The following DOCK3 variants were observed in gnomAD, a reference collection of about 807,000 sequenced individuals.
DOCK3 encodes the protein dedicator of cytokinesis 3.
Under a neutral mutation model 265.6 loss-of-function variants are expected in DOCK3, and 60 were observed. The ratio of observed to expected loss-of-function variants is 0.23; its 90% confidence interval spans 0.18 to 0.28. The LOEUF is 0.28. Ranked by LOEUF, DOCK3 falls within the 10% of genes least tolerant of loss-of-function variation. The pLI is 1.00. For missense variants in DOCK3, 1,981 were observed against 2,594.3 expected, an observed-to-expected ratio of 0.76 and a Z score of 5.14; for synonymous variants, 881 against 938.0, an observed-to-expected ratio of 0.94 and a Z score of 1.11.
chr3:51,199,305 G>A lies in DOCK3; in HGVS notation c.1038-9469G>A, dbSNP rs920327379. Among the ~76,000 whole-genome samples, 4 of 152,184 alleles carry A rather than the reference G, an allele frequency of 2.6e-5. No individual in the cohort carries two copies. The East Asian group carries it at 7.7e-4, about 29-fold the overall frequency. ...CTAGTCAAAGAAAGGGGTGACAGAC[G>A]GCACCTGGAAAATCGGGTCACTCCC... On this transcript the variant is annotated intron_variant, in intron 12 of 52. Transcript: ENST00000266037.
At chr3:51,175,148 G>C (rs72948200) in intron 12 of DOCK3, among the ~76,000 whole-genome samples, 10,636 of 152,276 alleles carry the variant, frequency 0.07, 948 homozygotes, top group East Asian at 0.32. Flanking sequence ...CTGCTTCAGG[G>C]ACCAAGGTCT....
rs574574162 is a variant in DOCK3 at position 50,880,901 on chromosome 3, C to T, written c.163-9125C>T. The stretch of plus-strand genomic sequence containing the variant: ...CAATAAAATACTGGCAAACTGAATC[C>T]AGCAGCGAATCAAAAAGCTTATCCA... On this transcript the variant is annotated intron_variant, in intron 3 of 52. Coordinates refer to ENST00000266037, the MANE Select transcript of DOCK3 (RefSeq NM_004947.5). 6.2e-4 allele frequency among the ~76,000 whole-genome samples: 95 copies of T among 152,278 alleles called. 1 individual carries two copies. In the Middle Eastern group the frequency reaches 0.014, roughly 22 times the overall value.
At chr3:51,054,121 T>TTAA (rs1491422433) in intron 5 of DOCK3, among the ~76,000 whole-genome samples, 2 of 85,012 alleles carry the variant, frequency 2.4e-5, no homozygotes, top group African/African-American at 8.7e-5. Context: ...CGTAGCTTCC[T>TTAA]AAAAAAAAAA....
intron 9 of DOCK3, among the ~76,000 whole-genome samples, chr3:51,143,518 C>A (rs1299627853): frequency 2.6e-5 from 4 of 152,122 alleles, no homozygotes; most frequent in Non-Finnish European, 5.9e-5. Context: ...GATCTACCTG[C>A]CTCATCCTCC....
intron 5 of DOCK3, among the ~76,000 whole-genome samples, chr3:51,025,734 C>G (rs966057275): frequency 1.3e-5 from 2 of 152,206 alleles, no homozygotes; most frequent in Non-Finnish European, 2.9e-5. Context: ...GAGATATAGT[C>G]AGGAATCACT....
At chr3:51,279,247 C>A (rs1272913446) in intron 26 of DOCK3, among the ~76,000 whole-genome samples, 2 of 152,044 alleles carry the variant, frequency 1.3e-5, no homozygotes, top group Non-Finnish European at 2.9e-5. Flanking sequence ...AGCAAAACTC[C>A]ATCCCAAAAA....
intron 27 of DOCK3, among the ~76,000 whole-genome samples, chr3:51,285,581 A>G (rs2081359788): frequency 6.6e-6 from 1 of 151,608 alleles, no homozygotes. Context: ...GGATTACTGA[A>G]ATCAAAAACA....
intron 6 of DOCK3, among the ~76,000 whole-genome samples, chr3:51,072,883 T>G (rs1318288538): frequency 6.6e-6 from 1 of 151,780 alleles, no homozygotes; most frequent in Non-Finnish European, 1.5e-5. Context: ...TTTTTTTTTT[T>G]TTTTTTTAGA....
In DOCK3 at chr3:50,930,814, A is replaced by G. The variant is rs567926420; in HGVS notation, c.219-3167A>G. Reference sequence around the variant, plus strand: ...GCCTCTTGCAGAGGCCCAGGAACCCAGTGCTGTCTGTGGGGTGGGCATGGC... The same window carrying G: ...GCCTCTTGCAGAGGCCCAGGAACCCGGTGCTGTCTGTGGGGTGGGCATGGC... On this transcript the variant is annotated intron_variant, in intron 4 of 52. Transcript: ENST00000266037. Among the ~76,000 whole-genome samples, 20 of 152,294 alleles carry G rather than the reference A, an allele frequency of 1.3e-4. 1 individual carries two copies. The highest frequency in any genetic ancestry group is 5.2e-4 in the Admixed American group (8 of 15,306).
At chr3:50,678,072 T>A (rs1390880585) in intron 1 of DOCK3, among the ~76,000 whole-genome samples, 1 of 148,236 alleles carries the variant, frequency 6.7e-6, no homozygotes, top group Non-Finnish European at 1.5e-5. Context: ...GGTTGTTAAT[T>A]TTTTTTTTTT....
intron 1 of DOCK3, among the ~76,000 whole-genome samples, chr3:50,775,266 A>G (rs2041518281): frequency 6.6e-6 from 1 of 151,936 alleles, no homozygotes; most frequent in South Asian, 2.1e-4. Flanking sequence ...CATTTGTGGG[A>G]AGTTTTTAAT....
intron 3 of DOCK3, among the ~76,000 whole-genome samples, chr3:50,887,093 C>T (rs1253252720): frequency 6.6e-6 from 1 of 151,552 alleles, no homozygotes; most frequent in East Asian, 1.9e-4. Context: ...TTGAAAAGAT[C>T]AACAAAATTG....
Position 51,381,593 on chromosome 3 carries a change from T to G in DOCK3, c.*34T>G. Reference sequence around the variant, plus strand: ...GAGGCGGCTGGGATGCCGCCCTCAGTAAGCAGCTTGCCAATCACTCCAGGT... The same window carrying G: ...GAGGCGGCTGGGATGCCGCCCTCAGGAAGCAGCTTGCCAATCACTCCAGGT... On this transcript the variant is annotated 3_prime_UTR_variant, in exon 53 of 53. Coordinates refer to ENST00000266037, the MANE Select transcript of DOCK3 (RefSeq NM_004947.5). The surrounding 1 kb of genome is among the most constrained non-coding windows in gnomAD (Gnocchi z 5.6). The G allele has an allele frequency of 6.8e-7, 1 of 1,463,672 alleles. No homozygotes were observed. The highest frequency in any genetic ancestry group is 2.4e-5 in the East Asian group (1 of 41,280). The allele number at this position is 1,463,672 out of a possible 1,614,324, so 90.7% of individuals were successfully genotyped here.
chr3:51,059,941 T>G (rs1204526130), intron 5 of DOCK3, among the ~76,000 whole-genome samples: 1 of 152,148 alleles, frequency 6.6e-6, no homozygotes, highest in Non-Finnish European at 1.5e-5. Flanking sequence ...AAATTTAGTT[T>G]GAAATTTTGT....
At chr3:50,793,414 A>G (rs944778874) in intron 2 of DOCK3, among the ~76,000 whole-genome samples, 10 of 133,812 alleles carry the variant, frequency 7.5e-5, no homozygotes, top group African/African-American at 2.9e-4. Context: ...GCTGGAGTGT[A>G]GTGGCATGAT....
intron 7 of DOCK3, among the ~76,000 whole-genome samples, chr3:51,078,517 G>A (rs772993551): frequency 1.3e-5 from 2 of 152,178 alleles, no homozygotes; most frequent in Non-Finnish European, 2.9e-5. Context: ...ACTAGAGATG[G>A]AGATGAGCTT....
chr3:50,966,115 C>T (rs2077023926), intron 5 of DOCK3, among the ~76,000 whole-genome samples: 1 of 151,730 alleles, frequency 6.6e-6, no homozygotes, highest in Non-Finnish European at 1.5e-5. Context: ...ACATAATATC[C>T]TCCAGGACAT....
At chr3:50,830,812 G>A (rs896232121) in intron 2 of DOCK3, among the ~76,000 whole-genome samples, 1 of 152,176 alleles carries the variant, frequency 6.6e-6, no homozygotes. Flanking sequence ...TTTTTTTAAA[G>A]TGAAAGCAAG....
At chr3:51,011,302 TC>T (rs1167929410) in intron 5 of DOCK3, among the ~76,000 whole-genome samples, 1 of 152,202 alleles carries the variant, frequency 6.6e-6, no homozygotes, top group African/African-American at 2.4e-5. Context: ...GTCCCATATT[TC>T]TTGGAGGCTT....
Sources: allele counts gnomAD v4.1 joint callset (sites outside exome capture counted in the v4.1 genomes callset), GRCh38; gene constraint gnomAD v4.1.1; non-coding constraint Gnocchi (gnomAD v3.1); transcripts MANE v1.5; gene names NCBI Gene and HGNC (gene_info 2026-07-23, HGNC 2026-07-21).